The following DSCAML1 variants were observed in gnomAD, a reference collection of about 807,000 sequenced individuals.
DSCAML1 encodes cell adhesion molecule DSCAML1.
DSCAML1 carries 38 observed loss-of-function variants against 200.5 expected under a neutral mutation model. The observed-to-expected ratio is 0.19, with a 90% CI of 0.15 to 0.25. The LOEUF is 0.25. Ranked by LOEUF, DSCAML1 falls within the 10% of genes least tolerant of loss-of-function variation. DSCAML1 has a pLI of 1.00. For missense variants in DSCAML1, 2,223 were observed against 2,858.8 expected (o/e 0.78, Z 5.07); for synonymous variants, 1,215 against 1,165.0 (o/e 1.04, Z -0.87).
chr11:117,597,985 C>T (rs2051394653), intron 3 of DSCAML1, among the ~76,000 whole-genome samples: 1 of 151,698 alleles, frequency 6.6e-6, no homozygotes, highest in Non-Finnish European at 1.5e-5. Context: ...TATGCCTGGC[C>T]CAAACCCTAG....
intron 3 of DSCAML1, among the ~76,000 whole-genome samples, chr11:117,764,774 C>T (rs769633372): frequency 6.6e-6 from 1 of 152,214 alleles, no homozygotes; most frequent in Non-Finnish European, 1.5e-5. Flanking sequence ...GGATCTGGAA[C>T]ATTCTCAGTG....
At chr11:117,666,951 G>C (rs560077798) in intron 3 of DSCAML1, among the ~76,000 whole-genome samples, 14 of 152,248 alleles carry the variant, frequency 9.2e-5, no homozygotes, top group African/African-American at 2.9e-4. Context: ...TGCAGTTTTG[G>C]GGGTAGGGCT....
At chr11:117,553,584 C>T (rs1840231575) in intron 3 of DSCAML1, among the ~76,000 whole-genome samples, 1 of 152,220 alleles carries the variant, frequency 6.6e-6, no homozygotes, top group South Asian at 2.1e-4. Context: ...GATACTACCT[C>T]ATTCCCATGA....
Position 117,432,514 on chromosome 11 carries a change from G to GAA in DSCAML1, c.5027-12_5027-11dup. The stretch of plus-strand genomic sequence containing the variant: ...GTGGCCTTGTCATCTCCTGGGGAAA[G>GAA]AAGGACAATTACTGGGAGTCCTTTA... On this transcript the variant is annotated splice_polypyrimidine_tract_variant and intron_variant, in intron 29 of 32. Transcript: ENST00000651296. 3 of 1,612,404 alleles carry GAA rather than the reference G, an allele frequency of 1.9e-6. No individual in the cohort carries two copies. In the South Asian group the frequency reaches 3.3e-5, roughly 18 times the overall value.
chr11:117,433,588 C>G (rs2047849017), intron 27 of DSCAML1, 117 bp from the exon 28 acceptor site: 1 of 1,134,366 alleles, frequency 8.8e-7, no homozygotes, highest in South Asian at 1.6e-5. Context: ...CAGGGCTGGT[C>G]TCCTAAGAAG....
rs572407257 is a variant in DSCAML1, at chr11:117,507,753, G to C, written c.1784-2021C>G. Among the ~76,000 whole-genome samples the C allele has an allele frequency of 3.9e-5, 6 of 152,226 alleles. No homozygotes were observed. In the South Asian group the frequency reaches 1.2e-3, roughly 32 times the overall value. ...ACATGGGCTCCTCACCTACCAGCTG[G>C]CTTTGATCCACCTTATTCCAGATCC... is the stretch of plus-strand genomic sequence containing the variant. On this transcript the variant is annotated intron_variant, in intron 8 of 32. Coordinates refer to ENST00000651296, the MANE Select transcript of DSCAML1 (RefSeq NM_020693.4).
chr11:117,554,083 T>C (rs1225355429), intron 3 of DSCAML1, among the ~76,000 whole-genome samples: 1 of 152,236 alleles, frequency 6.6e-6, no homozygotes, highest in African/African-American at 2.4e-5. Context: ...ATTCTACTTA[T>C]GTGAGGTCCC....
chr11:117,556,401 G>A (rs897895288), intron 3 of DSCAML1, among the ~76,000 whole-genome samples: 13 of 152,150 alleles, frequency 8.5e-5, no homozygotes, highest in African/African-American at 2.9e-4. Flanking sequence ...GGAGAAGGGT[G>A]TTACAAGGAT....
rs892112344 is a variant in DSCAML1 at position 117,469,404 on chromosome 11, T to G, written c.3024+506A>C. Among the ~76,000 whole-genome samples, 3 of 152,194 alleles carry G rather than the reference T, an allele frequency of 2.0e-5. No homozygotes were observed. Among genetic ancestry groups the G allele is most frequent in the African/African-American group, 7.2e-5 (3 of 41,442 alleles). On this transcript the variant is annotated intron_variant, in intron 16 of 32. Coordinates refer to ENST00000651296, the MANE Select transcript of DSCAML1 (RefSeq NM_020693.4). The surrounding 1 kb of genome is among the most constrained non-coding windows in gnomAD (Gnocchi z 4.1). The stretch of plus-strand genomic sequence containing the variant: ...AATCTCCCCTAAGATTTTCCTTAAG[T>G]GACAGATGCTTCAGTCACCCCCTAT...
chr11:117,536,047 A>G (rs528831777), intron 3 of DSCAML1, among the ~76,000 whole-genome samples: 1 of 146,902 alleles, frequency 6.8e-6, no homozygotes, highest in South Asian at 2.2e-4. Context: ...ATTTAATTGC[A>G]GTAACGTTTT....
At chr11:117,808,134 T>A (rs2055725075) in intron 1 of DSCAML1, among the ~76,000 whole-genome samples, 1 of 152,204 alleles carries the variant, frequency 6.6e-6, no homozygotes, top group African/African-American at 2.4e-5. Context: ...GTTTTCAAAG[T>A]ATGCTCACAT....
chr11:117,786,000 C>A (rs2055344611), intron 1 of DSCAML1, among the ~76,000 whole-genome samples: 1 of 152,172 alleles, frequency 6.6e-6, no homozygotes, highest in Admixed American at 6.5e-5. Flanking sequence ...GAAGAAGTTT[C>A]CCCTCATGCC....
At chr11:117,459,009 C>T (rs1346639371) in intron 18 of DSCAML1, 100 bp from the exon 19 acceptor site, 13 of 1,468,528 alleles carry the variant, frequency 8.9e-6, no homozygotes, top group Non-Finnish European at 9.2e-6. Flanking sequence ...ACTGCACAGG[C>T]TCAGCCCTCG....
At chr11:117,453,080 G>A (rs1172802961) in intron 19 of DSCAML1, among the ~76,000 whole-genome samples, 2 of 151,930 alleles carry the variant, frequency 1.3e-5, no homozygotes, top group South Asian at 2.1e-4. Flanking sequence ...GACTATGGGC[G>A]CCCACCATGA....
intron 1 of DSCAML1, among the ~76,000 whole-genome samples, chr11:117,814,606 A>C (rs181867165): frequency 3.9e-5 from 6 of 152,314 alleles, no homozygotes; most frequent in Admixed American, 3.3e-4. Context: ...TAAGTGCCCA[A>C]AGGGGGGTGA....
At chr11:117,650,630 C>T (rs147876890) in intron 3 of DSCAML1, among the ~76,000 whole-genome samples, 14 of 151,474 alleles carry the variant, frequency 9.2e-5, no homozygotes, top group Non-Finnish European at 1.8e-4. Flanking sequence ...CCCTTGGAGT[C>T]CATCTGAGTC....
At chr11:117,617,935 G>C (rs889582072) in intron 3 of DSCAML1, among the ~76,000 whole-genome samples, 1 of 152,066 alleles carries the variant, frequency 6.6e-6, no homozygotes, top group East Asian at 1.9e-4. Context: ...CCATGCCCAG[G>C]TAACCATGCA....
intron 18 of DSCAML1, among the ~76,000 whole-genome samples, chr11:117,459,250 T>C (rs1163728447): frequency 6.6e-6 from 1 of 152,212 alleles, no homozygotes; most frequent in Non-Finnish European, 1.5e-5. Flanking sequence ...CCCAACTCCC[T>C]TCCCATGGGA....
intron 1 of DSCAML1, among the ~76,000 whole-genome samples, chr11:117,786,882 C>T (rs2055364165): frequency 6.6e-6 from 1 of 152,192 alleles, no homozygotes; most frequent in African/African-American, 2.4e-5. Context: ...AGGGCAGCCT[C>T]ACCCAGGCAT....
Sources: gnomAD v4.1 joint callset for allele counts (sites outside exome capture counted in the v4.1 genomes callset) on GRCh38, gnomAD v4.1.1 for gene constraint, Gnocchi (gnomAD v3.1) non-coding constraint, MANE v1.5 for transcripts, NCBI Gene and HGNC (gene_info 2026-07-23, HGNC 2026-07-21) for gene names.